PIEZO2: variants seen among roughly 807,000 people sequenced by gnomAD.
The protein encoded by PIEZO2 is piezo type mechanosensitive ion channel component 2.
PIEZO2 carries 172 observed loss-of-function variants against 337.3 expected under a neutral mutation model. The observed-to-expected ratio is 0.51, with a 90% CI of 0.45 to 0.58. PIEZO2 has a LOEUF of 0.58. Ranked by LOEUF, PIEZO2 falls within the 20% of genes least tolerant of loss-of-function variation. PIEZO2 has a pLI of 0.00. For synonymous variants in PIEZO2, 1,251 were observed against 1,228.5 expected (o/e 1.02, Z -0.38); for missense variants, 3,028 against 3,391.3 (o/e 0.89, Z 2.66).
chr18:10,701,656 G>A (rs1311000567), intron 43 of PIEZO2, among the ~76,000 whole-genome samples: 3 of 152,176 alleles, frequency 2.0e-5, no homozygotes, highest in African/African-American at 7.2e-5. Context: ...TCCGGCCTTA[G>A]AATATTGCAC....
intron 33 of PIEZO2, among the ~76,000 whole-genome samples, chr18:10,737,286 A>AAAAAAAAAC (rs1555634850): frequency 2.2e-5 from 3 of 133,762 alleles, no homozygotes; most frequent in Non-Finnish European, 3.2e-5. Context: ...AAGACATTTG[A>AAAAAAAAAC]AAAAAAAAAA....
At position 10,727,964 on chromosome 18, in the gene PIEZO2, AAAAG is replaced by A. The variant is rs749768615; in HGVS notation, c.5029+3439_5029+3442del. ...ATTAAAACAGTAATAACAAAAAAAA[AAAAG>A]AAAAAAGAAAAAAAGGGATAAGAAG... On this transcript the variant is annotated intron_variant, in intron 36 of 55. Transcript: ENST00000674853. The surrounding 1 kb of genome is among the most constrained non-coding windows in gnomAD (Gnocchi z 6.3). 2.4e-4 allele frequency: 37 copies of A among 152,146 alleles called. No individual in the cohort carries two copies. The highest frequency in any genetic ancestry group is 6.2e-4 in the South Asian group (3 of 4,832). 9.4% of individuals were successfully genotyped at this position (152,146 alleles called of 1,614,324 possible). A position where few individuals can be genotyped will look rare whatever the true frequency, so the allele number is the denominator to read the frequency against.
chr18:10,905,894 G>A (rs908752239), intron 4 of PIEZO2, among the ~76,000 whole-genome samples: 3 of 152,166 alleles, frequency 2.0e-5, no homozygotes, highest in Admixed American at 1.3e-4. Context: ...GGTATTAAGA[G>A]AGTCTCCTCC....
chr18:10,689,140 C>T (rs1472293339), intron 49 of PIEZO2, among the ~76,000 whole-genome samples: 1 of 152,178 alleles, frequency 6.6e-6, no homozygotes, highest in Non-Finnish European at 1.5e-5. Flanking sequence ...GACTCTTCTT[C>T]CATATATTAA....
At position 10,671,074 on chromosome 18, in the gene PIEZO2, G is replaced by C. The variant is rs983703989; in HGVS notation, c.*453C>G. 3.9e-5 allele frequency: 6 copies of C among 153,520 alleles called. No homozygotes were observed. Among genetic ancestry groups the C allele is most frequent in the African/African-American group, 1.2e-4 (5 of 41,442 alleles). 9.5% of individuals were successfully genotyped at this position (153,520 alleles called of 1,614,324 possible). ...CCCCTATTGCTGTTGCATTTTCTGA[G>C]TGTGTTGAAGGCTCATCTAGTCTCA... On this transcript the variant is annotated 3_prime_UTR_variant, in exon 56 of 56. Transcript: ENST00000674853.
chr18:10,680,282 G>A lies in PIEZO2; in HGVS notation c.7869C>T (p.Ser2623=), dbSNP rs772037092. ...GTATCATTTTCTGCTTACTGGGTGG[G>A]CTGATGGTCCACAAAGAATTTGAGT... The part of the protein sequence containing the change: ...EGNSNSLWTI[S]PPSKQKMIHE... Residue 2623 remains serine, a synonymous_variant, in exon 52 of 56, where the codon AGC becomes AGT. Transcript: ENST00000674853. 4 of 1,613,736 alleles carry A rather than the reference G, an allele frequency of 2.5e-6. No individual in the cohort carries two copies. The highest frequency in any genetic ancestry group is 2.5e-6 in the Non-Finnish European group (3 of 1,179,736).
chr18:11,140,205 T>C (rs985570582), intron 1 of PIEZO2, among the ~76,000 whole-genome samples: 3 of 152,184 alleles, frequency 2.0e-5, no homozygotes, highest in Admixed American at 1.3e-4. Context: ...TGAAAGTGTG[T>C]CCTCTGCACC....
chr18:10,806,159 A>T (rs2039996719), intron 8 of PIEZO2, among the ~76,000 whole-genome samples: 2 of 152,168 alleles, frequency 1.3e-5, no homozygotes, highest in African/African-American at 4.8e-5. Context: ...GAACTTCTGC[A>T]GGGCCTCAGG....
chr18:10,678,529 A>T (rs1333591477), intron 52 of PIEZO2, among the ~76,000 whole-genome samples: 1 of 152,142 alleles, frequency 6.6e-6, no homozygotes, highest in African/African-American at 2.4e-5. Context: ...TCTAACTAAC[A>T]AGTCACTCTC....
chr18:10,807,314 A>G, intron 7 of PIEZO2, 40 bp from the exon 8 acceptor site: 1 of 1,506,776 alleles, frequency 6.6e-7, no homozygotes, highest in Non-Finnish European at 8.9e-7. Flanking sequence ...AGATGCAATA[A>G]GCTATATGTC....
At chr18:10,948,617 C>T (rs533553423) in intron 3 of PIEZO2, among the ~76,000 whole-genome samples, 39 of 152,214 alleles carry the variant, frequency 2.6e-4, no homozygotes, top group African/African-American at 3.4e-4. Context: ...GATAGAGATA[C>T]GCGCTCGAGT....
intron 3 of PIEZO2, among the ~76,000 whole-genome samples, chr18:10,967,981 C>T (rs527951838): frequency 3.6e-4 from 55 of 151,994 alleles, no homozygotes; most frequent in Non-Finnish European, 5.3e-4. Context: ...TATTTATCTT[C>T]GTTTTTGTTG....
chr18:10,885,477 T>A (rs567019015), intron 4 of PIEZO2, among the ~76,000 whole-genome samples: 1 of 152,004 alleles, frequency 6.6e-6, no homozygotes, highest in African/African-American at 2.4e-5. Flanking sequence ...GTCAAGGAGG[T>A]GATAGGAACA....
chr18:11,085,220 C>T (rs750964374), intron 1 of PIEZO2, among the ~76,000 whole-genome samples: 5 of 152,090 alleles, frequency 3.3e-5, no homozygotes, highest in Non-Finnish European at 7.3e-5. Context: ...ACTGGACCAG[C>T]CTGACTCAAT....
chr18:10,858,868 C>T (rs116653255), intron 5 of PIEZO2, among the ~76,000 whole-genome samples: 1,882 of 152,262 alleles, frequency 0.012, 41 homozygotes, highest in African/African-American at 0.043. Flanking sequence ...TTGACTTCTA[C>T]TGTATTTCAT....
chr18:10,712,644 T>A (rs2035865059), intron 39 of PIEZO2, among the ~76,000 whole-genome samples: 1 of 152,246 alleles, frequency 6.6e-6, no homozygotes, highest in East Asian at 1.9e-4. Context: ...GACGCTCTGG[T>A]AACACTCACC....
At chr18:11,074,315 C>T (rs59581023) in intron 1 of PIEZO2, among the ~76,000 whole-genome samples, 3,411 of 152,308 alleles carry the variant, frequency 0.022, 246 homozygotes, top group East Asian at 0.21. Flanking sequence ...CATCCTCTGG[C>T]AGCAACAATG....
rs145715054 is a variant in PIEZO2 at position 10,775,681 on chromosome 18, A to G, written c.2535-1643T>C. 6.6e-6 allele frequency among the ~76,000 whole-genome samples: 1 copy of G among 152,238 alleles called. No homozygotes were observed. The highest frequency in any genetic ancestry group is 1.5e-5 in the Non-Finnish European group (1 of 68,044). On this transcript the variant is annotated intron_variant, in intron 18 of 55. Transcript: ENST00000674853. This position sits in a 1 kb window ranked among gnomAD's most constrained non-coding sequence, Gnocchi z 4.3. Reference sequence around the variant, plus strand: ...AACTGCCATGCCACAGGCAGGGTGCATTGAGGAGAGATCGTTCAATGAAAG... The same window carrying G: ...AACTGCCATGCCACAGGCAGGGTGCGTTGAGGAGAGATCGTTCAATGAAAG...
At chr18:10,896,936 G>A (rs2042917482) in intron 4 of PIEZO2, among the ~76,000 whole-genome samples, 1 of 152,094 alleles carries the variant, frequency 6.6e-6, no homozygotes, top group Admixed American at 6.5e-5. Context: ...AATCTCTGCT[G>A]AAAAAAAGTC....
Sources: allele counts gnomAD v4.1 joint callset (sites outside exome capture counted in the v4.1 genomes callset), GRCh38; gene constraint gnomAD v4.1.1; non-coding constraint Gnocchi (gnomAD v3.1); transcripts MANE v1.5; gene names NCBI Gene and HGNC (gene_info 2026-07-23, HGNC 2026-07-21).